The following PKHD1 variants were observed in gnomAD, a reference collection of about 807,000 sequenced individuals.
PKHD1 encodes PKHD1 ciliary IPT domain containing fibrocystin/polyductin.
Under a neutral mutation model 412.0 loss-of-function variants are expected in PKHD1, and 291 were observed. That is an observed-to-expected ratio of 0.71 (90% confidence interval 0.64 to 0.78). The LOEUF is 0.78. Among genes scored for constraint, PKHD1 ranks in the 30% least tolerant of loss-of-function variants. The pLI is 0.00. For missense variants in PKHD1, 4,825 were observed against 4,950.7 expected, an observed-to-expected ratio of 0.97 and a Z score of 0.76; for synonymous variants, 1,777 against 1,821.5, an observed-to-expected ratio of 0.98 and a Z score of 0.62.
At chr6:51,812,463 A>T (rs1027298021) in intron 52 of PKHD1, among the ~76,000 whole-genome samples, 1 of 152,200 alleles carries the variant, frequency 6.6e-6, no homozygotes, top group Non-Finnish European at 1.5e-5. Context: ...ATACCTCATT[A>T]TACATTCCTG....
intron 65 of PKHD1, among the ~76,000 whole-genome samples, chr6:51,631,799 G>T (rs568186224): frequency 6.9e-4 from 105 of 151,866 alleles, no homozygotes; most frequent in Non-Finnish European, 1.2e-3. Flanking sequence ...TTAAAAAATG[G>T]CATCCACTTC....
At chr6:52,003,390 T>C (rs1417924511) in intron 35 of PKHD1, among the ~76,000 whole-genome samples, 2 of 152,150 alleles carry the variant, frequency 1.3e-5, no homozygotes, top group Non-Finnish European at 2.9e-5. Context: ...AAATGATCTC[T>C]AGTACTAATG....
intron 62 of PKHD1, among the ~76,000 whole-genome samples, chr6:51,648,572 A>G (rs186387196): frequency 7.9e-5 from 12 of 152,330 alleles, no homozygotes; most frequent in African/African-American, 2.9e-4. Context: ...TTCAACAATC[A>G]TAGTTCACTG....
At chr6:51,656,680 A>ATTT (rs1771915809) in intron 61 of PKHD1, among the ~76,000 whole-genome samples, 1 of 147,730 alleles carries the variant, frequency 6.8e-6, no homozygotes, top group African/African-American at 2.5e-5. Context: ...TTTTTTTTTA[A>ATTT]GACAGTATCT....
At chr6:51,793,800 T>C (rs780160665) in intron 52 of PKHD1, among the ~76,000 whole-genome samples, 19 of 152,182 alleles carry the variant, frequency 1.2e-4, no homozygotes, top group Non-Finnish European at 2.5e-4. Flanking sequence ...TTATTTCATG[T>C]CTTTGCTATT....
At chr6:51,930,786 G>A (rs1786453382) in intron 37 of PKHD1, among the ~76,000 whole-genome samples, 1 of 152,190 alleles carries the variant, frequency 6.6e-6, no homozygotes. Flanking sequence ...TTTCTAAGAA[G>A]CCTTTTGTAA....
At chr6:51,900,890 T>G (rs940964620) in intron 43 of PKHD1, among the ~76,000 whole-genome samples, 8 of 152,162 alleles carry the variant, frequency 5.3e-5, no homozygotes, top group African/African-American at 1.9e-4. Context: ...AAGAAGACAT[T>G]TATGGAGCCA....
At position 52,069,520 on chromosome 6, in the gene PKHD1, CCATT is replaced by C. The variant is rs786204588; in HGVS notation, c.711_714del (p.Met238SerfsTer7). ...CTGATCAGCCATGCCTTCTTGTGGA[CCATT>C]GACCTTCGAAAAAGACAAAGTTCTG... On this transcript the variant is annotated frameshift_variant, in exon 11 of 67. Coordinates refer to ENST00000371117, the MANE Select transcript of PKHD1 (RefSeq NM_138694.4). LOFTEE classifies it high-confidence loss of function. 21 of 1,612,666 alleles carry C rather than the reference CCATT, an allele frequency of 1.3e-5. No homozygotes were observed. Among genetic ancestry groups the C allele is most frequent in the Non-Finnish European group, 1.8e-5 (21 of 1,178,796 alleles).
chr6:51,858,116 A>G (rs1461410955), intron 48 of PKHD1, among the ~76,000 whole-genome samples: 1 of 152,090 alleles, frequency 6.6e-6, no homozygotes, highest in Non-Finnish European at 1.5e-5. Flanking sequence ...CATCTGTTCT[A>G]ATTTCCAATT....
At chr6:51,751,056 C>T (rs1562230861) in intron 57 of PKHD1, among the ~76,000 whole-genome samples, 1 of 152,168 alleles carries the variant, frequency 6.6e-6, no homozygotes, top group Non-Finnish European at 1.5e-5. Context: ...GGATTAAAGG[C>T]ATGAGCCACA....
At chr6:51,900,110 T>G (rs538909529) in intron 43 of PKHD1, among the ~76,000 whole-genome samples, 1 of 152,310 alleles carries the variant, frequency 6.6e-6, no homozygotes, top group African/African-American at 2.4e-5. Context: ...ATTTACAGAT[T>G]CAGTGCCATC....
At chr6:51,915,340 T>A (rs1007380232) in intron 37 of PKHD1, among the ~76,000 whole-genome samples, 2 of 152,076 alleles carry the variant, frequency 1.3e-5, no homozygotes, top group African/African-American at 4.8e-5. Flanking sequence ...ATCTGTCATA[T>A]CACCATGGCT....
At chr6:51,855,658 A>C (rs1476900370) in intron 49 of PKHD1, among the ~76,000 whole-genome samples, 2 of 152,222 alleles carry the variant, frequency 1.3e-5, no homozygotes, top group Admixed American at 1.3e-4. Context: ...TTCTGCATTC[A>C]CAATAACACA....
chr6:52,010,353 C>A lies in PKHD1; in HGVS notation c.5707G>T (p.Val1903Phe), dbSNP rs753639079. 1 of 1,613,656 alleles carries A rather than the reference C, an allele frequency of 6.2e-7. No homozygotes were observed. Among genetic ancestry groups the A allele is most frequent in the East Asian group, 2.2e-5 (1 of 44,872 alleles). The change falls in exon 35 of 67, where the codon GTC becomes TTC. Residue 1903 changes from valine to phenylalanine, a missense_variant. Val to Phe is a conservative substitution (Grantham distance 50). Coordinates refer to ENST00000371117, the MANE Select transcript of PKHD1 (RefSeq NM_138694.4). ...ECETPNQPIT[V>F]KITEIRKRWG... ...CGTTTCCGTATCTCAGTAATCTTGA[C>A]GGTAATTGGCTGATTGGGCGTCTCA... is the stretch of plus-strand genomic sequence containing the variant.
intron 52 of PKHD1, among the ~76,000 whole-genome samples, chr6:51,799,321 CTTCT>C (rs56845998): frequency 0.75 from 114,110 of 151,358 alleles, 43,273 homozygotes; most frequent in East Asian, 0.97. Context: ...TCCATTTTTT[CTTCT>C]TTCTTTCTTT....
intron 5 of PKHD1, among the ~76,000 whole-genome samples, chr6:52,078,073 C>CTA (rs1811568764): frequency 6.6e-6 from 1 of 152,152 alleles, no homozygotes; most frequent in Non-Finnish European, 1.5e-5. Context: ...CTAAGAGCCA[C>CTA]CACTCAGTCT....
chr6:51,714,874 C>T (rs1781071772), intron 60 of PKHD1, among the ~76,000 whole-genome samples: 2 of 152,058 alleles, frequency 1.3e-5, no homozygotes, highest in South Asian at 4.2e-4. Context: ...CAATCTGTTA[C>T]ATAGTAAGTA....
At chr6:51,981,360 T>C (rs1411590190) in intron 35 of PKHD1, among the ~76,000 whole-genome samples, 52 of 65,934 alleles carry the variant, frequency 7.9e-4, no homozygotes, top group African/African-American at 2.3e-3. Context: ...TCCCTCTCCC[T>C]CTCCCTCTCC....
At chr6:51,834,158 GT>G (rs1768765195) in intron 51 of PKHD1, among the ~76,000 whole-genome samples, 1 of 152,116 alleles carries the variant, frequency 6.6e-6, no homozygotes, top group African/African-American at 2.4e-5. Flanking sequence ...CCACAAATTT[GT>G]TTTGTTTTTA....
Sources: allele counts gnomAD v4.1 joint callset (sites outside exome capture counted in the v4.1 genomes callset), GRCh38; gene constraint gnomAD v4.1.1; transcripts MANE v1.5; gene names NCBI Gene and HGNC (gene_info 2026-07-23, HGNC 2026-07-21).